The following MYH7 variants were observed in gnomAD, a reference collection of about 807,000 sequenced individuals.
MYH7 encodes myosin heavy chain 7.
Under a neutral mutation model 225.4 loss-of-function variants are expected in MYH7, and 129 were observed. That is an observed-to-expected ratio of 0.57 (90% CI 0.50 to 0.66). The LOEUF is 0.66. Ranked by LOEUF, MYH7 falls within the 30% of genes least tolerant of loss-of-function variation. The pLI, the probability that MYH7 is intolerant of heterozygous loss-of-function variation, is 0.00. For missense variants in MYH7, 1,649 were observed against 2,517.0 expected (o/e 0.66, Z 7.38); for synonymous variants, 971 against 1,007.6 (o/e 0.96, Z 0.69).
At chr14:23,419,385 T>G (rs1002008208) in intron 28 of MYH7, 90 bp from the exon 29 acceptor site, 8 of 1,612,318 alleles carry the variant, frequency 5.0e-6, no homozygotes, top group Non-Finnish European at 6.8e-6. Flanking sequence ...AGACTCTGTG[T>G]CTGTGTGTGC....
chr14:23,430,546 C>G lies in MYH7; in HGVS notation c.999+14G>C. The G allele has an allele frequency of 6.2e-7, 1 of 1,606,470 alleles. No homozygotes were observed. The highest frequency in any genetic ancestry group is 8.5e-7 in the Non-Finnish European group (1 of 1,173,426). On this transcript the variant is annotated intron_variant, in intron 11 of 39. Coordinates refer to ENST00000355349, the MANE Select transcript of MYH7 (RefSeq NM_000257.4). ...CAATCCTCCCACCCCCTGGCTGGGT[C>G]CTCACACACTCACATCAGTGGCCAT...
At chr14:23,417,769 G>C in intron 30 of MYH7, 83 bp from the exon 31 acceptor site, 1 of 1,535,060 alleles carries the variant, frequency 6.5e-7, no homozygotes. Context: ...CCTTCTCAAA[G>C]ACAATCCTTG....
At chr14:23,424,236 A>G (rs1235903220) in intron 22 of MYH7, 87 bp from the exon 23 acceptor site, 3 of 1,552,218 alleles carry the variant, frequency 1.9e-6, no homozygotes, top group Non-Finnish European at 2.6e-6. Flanking sequence ...CATCACTCAA[A>G]TAGGAGGGTA....
At chr14:23,418,486 A>G (rs1283052992) in intron 29 of MYH7, 80 bp from the exon 30 acceptor site, 1 of 1,453,320 alleles carries the variant, frequency 6.9e-7, no homozygotes, top group Non-Finnish European at 9.2e-7. Context: ...CCTCACCCCA[A>G]TCTCAACATC....
intron 33 of MYH7, 51 bp from the exon 34 acceptor site, chr14:23,416,363 C>A: frequency 6.3e-7 from 1 of 1,584,686 alleles, no homozygotes; most frequent in Non-Finnish European, 8.6e-7. Flanking sequence ...GGGCACAGGG[C>A]AGGGTGGGGG....
intron 22 of MYH7, 115 bp downstream of exon 22, chr14:23,424,654 C>A: frequency 1.3e-6 from 2 of 1,560,098 alleles, no homozygotes; most frequent in South Asian, 2.3e-5. Flanking sequence ...GTGTTGATCC[C>A]AGAGTCCTCT....
In MYH7 at chr14:23,415,848, G is replaced by C. The variant is rs1566523525; in HGVS notation, c.4954-16C>G. ...TCTGGGTGTCCTGAGGATCAGGAGA[G>C]TGGGCATGAGCAGGGAGCCAGCCTC... On this transcript the variant is annotated splice_polypyrimidine_tract_variant and intron_variant, in intron 34 of 39. Transcript: ENST00000355349. This position sits in a 1 kb window ranked among gnomAD's most constrained non-coding sequence, Gnocchi z 6.3. 6.2e-7 allele frequency: 1 copy of C among 1,614,228 alleles called. No individual in the cohort carries two copies. Among genetic ancestry groups the C allele is most frequent in the Non-Finnish European group, 8.5e-7 (1 of 1,180,036 alleles).
chr14:23,420,149 C>T lies in MYH7; in HGVS notation c.3422G>A (p.Arg1141Gln), dbSNP rs1407919500. 5 of 1,604,956 alleles carry T rather than the reference C, an allele frequency of 3.1e-6. No individual in the cohort carries two copies. Among genetic ancestry groups the T allele is most frequent in the Middle Eastern group, 1.8e-4 (1 of 5,422 alleles). ...KVEKLRSDLS[R>Q]ELEEISERLE... ...CCGCTCGCTGATCTCCTCCAGCTCCCGAGACAGGTCTGAGCGCAGCTTCTC... is the reference window on the plus strand; with the variant it reads ...CCGCTCGCTGATCTCCTCCAGCTCCTGAGACAGGTCTGAGCGCAGCTTCTC... Residue 1141 changes from arginine (R) to glutamine (Q), a missense_variant, in exon 27 of 40, where the codon CGG becomes CAG. Arg to Gln is a conservative substitution (Grantham distance 43). Transcript: ENST00000355349.
intron 33 of MYH7, 131 bp from the exon 34 acceptor site, chr14:23,416,443 G>A: frequency 1.9e-6 from 2 of 1,036,164 alleles, no homozygotes; most frequent in Non-Finnish European, 2.8e-6. Flanking sequence ...GCAGAAGGTG[G>A]AGGAAAAGAG....
intron 24 of MYH7, 134 bp downstream of exon 24, chr14:23,423,413 A>G: frequency 1.7e-6 from 2 of 1,149,832 alleles, no homozygotes; most frequent in South Asian, 1.2e-5. Flanking sequence ...CTCTAACCCT[A>G]CCCCCCTCTA....
In MYH7 at chr14:23,412,935, T is replaced by G. The variant is rs2284651; in HGVS notation, c.5791-64A>C. 3 of 1,564,606 alleles carry G rather than the reference T, an allele frequency of 1.9e-6. No homozygotes were observed. In the South Asian group the frequency reaches 3.3e-5, roughly 17 times the overall value. The stretch of plus-strand genomic sequence containing the variant: ...GATGGTATTGGGCAGGGACAGGGCA[T>G]GGGAACAAAGGTGAGAGGGGTCTGA... On this transcript the variant is annotated intron_variant, in intron 39 of 39. Coordinates refer to ENST00000355349, the MANE Select transcript of MYH7 (RefSeq NM_000257.4).
In MYH7 at chr14:23,419,233, G is replaced by A; in HGVS notation, c.3916C>T (p.Leu1306Phe). ...ALISQLTRGK[L>F]TYTQQLEDLK... ...TCCTCCAGCTGCTGGGTGTAGGTGAGCTTGCCTCGGGTCAGCTGGGAGATC... is the reference window on the plus strand; with the variant it reads ...TCCTCCAGCTGCTGGGTGTAGGTGAACTTGCCTCGGGTCAGCTGGGAGATC... Residue 1306 changes from leucine to phenylalanine, a missense_variant, in exon 29 of 40, where the codon CTC (leucine) becomes TTC (phenylalanine). Transcript: ENST00000355349. 6.2e-7 allele frequency: 1 copy of A among 1,614,188 alleles called. No individual in the cohort carries two copies. Among genetic ancestry groups the A allele is most frequent in the Non-Finnish European group, 8.5e-7 (1 of 1,180,044 alleles).
intron 1 of MYH7, among the ~76,000 whole-genome samples, chr14:23,434,520 C>A (rs532438558): frequency 6.3e-4 from 96 of 152,324 alleles, no homozygotes; most frequent in African/African-American, 2.2e-3. Flanking sequence ...CTGCCTGTAC[C>A]CATCTAGTGG....
At position 23,413,900 on chromosome 14, in the gene MYH7, G is replaced by A; in HGVS notation, c.5656-7C>T. The stretch of plus-strand genomic sequence containing the variant: ...TGGTGTTGGCTTGCTCCTCCTGCGG[G>A]AGGTGGGAGCATGAGGTGAGAGGGG... On this transcript the variant is annotated splice_polypyrimidine_tract_variant and splice_region_variant and intron_variant, in intron 38 of 39. Coordinates refer to ENST00000355349, the MANE Select transcript of MYH7 (RefSeq NM_000257.4). 6.2e-7 allele frequency: 1 copy of A among 1,614,254 alleles called. No homozygotes were observed. The highest frequency in any genetic ancestry group is 8.5e-7 in the Non-Finnish European group (1 of 1,180,052).
chr14:23,430,362 A>G (rs1892877575), intron 11 of MYH7, among the ~76,000 whole-genome samples, 198 bp downstream of exon 11: 1 of 152,098 alleles, frequency 6.6e-6, no homozygotes, highest in South Asian at 2.1e-4. Context: ...CTGGTTTGAT[A>G]GAACACCAGA....
At chr14:23,431,932 C>G in intron 6 of MYH7, 63 bp from the exon 7 acceptor site, 1 of 1,547,938 alleles carries the variant, frequency 6.5e-7, no homozygotes, top group South Asian at 1.1e-5. Flanking sequence ...AGCCTCAAAT[C>G]AGGAGAGAAT....
chr14:23,431,520 G>A (rs1892938849), intron 8 of MYH7, 39 bp from the exon 9 acceptor site: 1 of 1,613,374 alleles, frequency 6.2e-7, no homozygotes, highest in Non-Finnish European at 8.5e-7. Flanking sequence ...GTTGGGGGAA[G>A]GCTCATATCT....
Position 23,433,819 on chromosome 14 carries a change from G to A in MYH7, c.-8-79C>T, listed in dbSNP as rs1021189388. 1 of 1,421,580 alleles carries A rather than the reference G, an allele frequency of 7.0e-7. No individual in the cohort carries two copies. Among genetic ancestry groups the A allele is most frequent in the Non-Finnish European group, 9.8e-7 (1 of 1,020,826 alleles). 88.1% of individuals were successfully genotyped at this position (1,421,580 alleles called of 1,614,324 possible). ...CCCTGGGCTCTCCCCTTCAGTGGGA[G>A]CCCCAAAACCTAGCACCATGCTCAA... On this transcript the variant is annotated intron_variant, in intron 2 of 39. Transcript: ENST00000355349. This position sits in a 1 kb window ranked among gnomAD's most constrained non-coding sequence, Gnocchi z 4.1.
chr14:23,431,121 G>T (rs1892918076), intron 9 of MYH7, 122 bp from the exon 10 acceptor site: 1 of 770,630 alleles, frequency 1.3e-6, no homozygotes, highest in Non-Finnish European at 2.3e-6. Flanking sequence ...AGACTAGTTG[G>T]ACAGACACAA....
Sources: allele counts gnomAD v4.1 joint callset (sites outside exome capture counted in the v4.1 genomes callset), GRCh38; gene constraint gnomAD v4.1.1; non-coding constraint Gnocchi (gnomAD v3.1); transcripts MANE v1.5; gene names NCBI Gene and HGNC (gene_info 2026-07-23, HGNC 2026-07-21).